Variants in GAB2 observed in about 807,000 individuals in gnomAD.
GAB2 encodes the protein GRB2-associated-binding protein 2.
GAB2 carries 26 observed loss-of-function variants against 65.5 expected under a neutral mutation model. The ratio of observed to expected loss-of-function variants is 0.40; its 90% CI spans 0.29 to 0.55. The LOEUF is 0.55. GAB2 is among the 20% of genes least tolerant of loss of function. GAB2 has a pLI of 0.53. For synonymous variants in GAB2, 321 were observed against 329.6 expected, an observed-to-expected ratio of 0.97 and a Z score of 0.28; for missense variants, 884 against 875.8, an observed-to-expected ratio of 1.01 and a Z score of -0.12.
chr11:78,276,835 T>C (rs991463793), intron 2 of GAB2, among the ~76,000 whole-genome samples: 4 of 151,284 alleles, frequency 2.6e-5, no homozygotes, highest in Admixed American at 6.6e-5. Context: ...TATTTATTTT[T>C]GAGACGAAGT....
intron 1 of GAB2, among the ~76,000 whole-genome samples, chr11:78,297,574 T>C (rs1330747358): frequency 6.6e-6 from 1 of 151,972 alleles, no homozygotes; most frequent in Non-Finnish European, 1.5e-5. Context: ...GAGAACAGCA[T>C]AGGTAAAGGC....
chr11:78,276,142 A>G (rs1214694997), intron 2 of GAB2, among the ~76,000 whole-genome samples: 4 of 151,552 alleles, frequency 2.6e-5, no homozygotes, highest in African/African-American at 4.8e-5. Flanking sequence ...GAAGAAAAGA[A>G]TATATTTCCT....
At chr11:78,303,023 C>T (rs1403170485) in intron 1 of GAB2, among the ~76,000 whole-genome samples, 1 of 152,058 alleles carries the variant, frequency 6.6e-6, no homozygotes, top group Non-Finnish European at 1.5e-5. Flanking sequence ...AAGAATGATG[C>T]AATGAATTTT....
intron 1 of GAB2, among the ~76,000 whole-genome samples, chr11:78,300,141 A>G (rs1866954059): frequency 6.6e-6 from 1 of 152,164 alleles, no homozygotes; most frequent in South Asian, 2.1e-4. Flanking sequence ...GTGCCAGGCA[A>G]ACACTGATCT....
In GAB2 at chr11:78,287,095, G is replaced by A. The variant is rs143595592; in HGVS notation, c.76-6194C>T. Reference sequence around the variant, plus strand: ...AAGGCTGATTCCATATTTGAAATCCGTCATCTACCATATTAATAGGCTGAA... The same window carrying A: ...AAGGCTGATTCCATATTTGAAATCCATCATCTACCATATTAATAGGCTGAA... On this transcript the variant is annotated intron_variant, in intron 1 of 9. Coordinates refer to ENST00000361507, the MANE Select transcript of GAB2 (RefSeq NM_080491.3). Among the ~76,000 whole-genome samples the A allele has an allele frequency of 6.1e-3, 929 of 152,206 alleles. 9 individuals carry two copies. Among genetic ancestry groups the A allele is most frequent in the African/African-American group, 0.021 (873 of 41,498 alleles).
At chr11:78,401,927 A>AGG (rs1008923717) in intron 1 of GAB2, among the ~76,000 whole-genome samples, 5 of 152,200 alleles carry the variant, frequency 3.3e-5, no homozygotes, top group African/African-American at 1.2e-4. Context: ...ACTAAAATGA[A>AGG]TTTCCATCTG....
At chr11:78,324,107 T>C (rs1565159773) in intron 1 of GAB2, among the ~76,000 whole-genome samples, 3 of 146,886 alleles carry the variant, frequency 2.0e-5, no homozygotes, top group Admixed American at 6.8e-5. Flanking sequence ...TCCCTCTGAA[T>C]TTTTTTTTTT....
intron 1 of GAB2, among the ~76,000 whole-genome samples, chr11:78,390,438 A>T (rs145881008): frequency 5.5e-4 from 84 of 152,250 alleles, no homozygotes; most frequent in African/African-American, 1.8e-3. Context: ...AGAAAATAAA[A>T]ATTAGCTGAG....
chr11:78,226,727 A>C lies in GAB2; in HGVS notation c.945T>G (p.Asp315Glu), dbSNP rs377249647. 1 of 1,614,052 alleles carries C rather than the reference A, an allele frequency of 6.2e-7. No homozygotes were observed. The highest frequency in any genetic ancestry group is 8.5e-7 in the Non-Finnish European group (1 of 1,179,984). The change falls in exon 4 of 10, where the codon GAT (aspartate) becomes GAG (glutamate). Residue 315 changes from aspartate to glutamate, a missense_variant. Physicochemically the swap from Asp to Glu is conservative, Grantham distance 45. Transcript: ENST00000361507. ...EFGDLLVDNMDVPATPLSAYQ... is the reference protein window; with the variant it reads ...EFGDLLVDNMEVPATPLSAYQ... ...AGGCTGAGAGTGGGGTGGCCGGAAC[A>C]TCCATATTGTCTACCAGGAGGTCCC...
intron 1 of GAB2, among the ~76,000 whole-genome samples, chr11:78,322,011 A>T (rs1004529304): frequency 1.3e-5 from 2 of 152,070 alleles, no homozygotes; most frequent in Non-Finnish European, 2.9e-5. Flanking sequence ...AAAGACTTAA[A>T]TGCAAGATCT....
At position 78,346,708 on chromosome 11, in the gene GAB2, TATATATATATATA is replaced by T. The variant is rs1445250799; in HGVS notation, c.76-65820_76-65808del. On this transcript the variant is annotated intron_variant, in intron 1 of 9. Transcript: ENST00000361507. ...ATATATATATATATATATATATATA[TATATATATATATA>T]ATTTTTTTTTTTTTTAGGAAAAGAA... Among the ~76,000 whole-genome samples the T allele has an allele frequency of 5.2e-5, 4 of 76,292 alleles. 1 individual carries two copies. Among genetic ancestry groups the T allele is most frequent in the East Asian group, 7.4e-4 (2 of 2,702 alleles). 50.1% of individuals were successfully genotyped at this position (76,292 alleles called of 152,430 possible).
intron 1 of GAB2, among the ~76,000 whole-genome samples, chr11:78,307,569 G>T (rs1390367107): frequency 7.0e-6 from 1 of 142,248 alleles, no homozygotes; most frequent in East Asian, 2.1e-4. Context: ...ACCAGCATGG[G>T]AAAGATGGTG....
intron 1 of GAB2, among the ~76,000 whole-genome samples, chr11:78,385,650 T>C (rs1166651084): frequency 2.0e-5 from 3 of 152,228 alleles, no homozygotes; most frequent in African/African-American, 7.2e-5. Flanking sequence ...TTGTAGCATA[T>C]GCAGGAGAAA....
intron 3 of GAB2, among the ~76,000 whole-genome samples, chr11:78,249,853 T>C (rs1865397862): frequency 6.6e-6 from 1 of 152,242 alleles, no homozygotes; most frequent in African/African-American, 2.4e-5. Context: ...TGACTGTTTT[T>C]TTTTGCAATT....
intron 4 of GAB2, among the ~76,000 whole-genome samples, chr11:78,226,027 T>C (rs1385314034): frequency 6.6e-6 from 1 of 152,254 alleles, no homozygotes; most frequent in Non-Finnish European, 1.5e-5. Flanking sequence ...GATTCAAGTA[T>C]GATTTAGAAA....
rs78956749 is a variant in GAB2, at chr11:78,349,449, A to G, written c.75+68197T>C. Among the ~76,000 whole-genome samples, 811 of 152,348 alleles carry G rather than the reference A, an allele frequency of 5.3e-3. 12 individuals are homozygous for G. The highest frequency in any genetic ancestry group is 0.031 in the East Asian group (161 of 5,186). ...ATTACAGATGAGACAACAGGCTCAG[A>G]AAGTTTAAAGAACTCATTGAAAGTC... On this transcript the variant is annotated intron_variant, in intron 1 of 9. Coordinates refer to ENST00000361507, the MANE Select transcript of GAB2 (RefSeq NM_080491.3).
chr11:78,407,296 T>C (rs1389697918), intron 1 of GAB2, among the ~76,000 whole-genome samples: 1 of 151,500 alleles, frequency 6.6e-6, no homozygotes, highest in African/African-American at 2.4e-5. Context: ...ATAGCAAAAT[T>C]CTGAAAATAA....
At chr11:78,274,467 T>C (rs926453584) in intron 2 of GAB2, among the ~76,000 whole-genome samples, 7 of 152,162 alleles carry the variant, frequency 4.6e-5, no homozygotes, top group Non-Finnish European at 1.0e-4. Flanking sequence ...AATGTGCAAC[T>C]TGAGGTGCTG....
chr11:78,294,211 T>C (rs1053402705), intron 1 of GAB2, among the ~76,000 whole-genome samples: 11 of 152,176 alleles, frequency 7.2e-5, no homozygotes, highest in Non-Finnish European at 1.6e-4. Flanking sequence ...GAATGATGGT[T>C]TCCAGCTTCA....
Sources: allele counts gnomAD v4.1 joint callset (sites outside exome capture counted in the v4.1 genomes callset), GRCh38; gene constraint gnomAD v4.1.1; transcripts MANE v1.5; gene names NCBI Gene and HGNC (gene_info 2026-07-23, HGNC 2026-07-21).